Variants in ST8SIA2 observed in about 807,000 individuals in gnomAD.
The protein encoded by ST8SIA2 is alpha-2,8-sialyltransferase 8B.
A neutral mutation model predicts 37.6 loss-of-function variants in ST8SIA2; 22 were observed. The ratio of observed to expected loss-of-function variants is 0.58; its 90% confidence interval spans 0.42 to 0.83. The LOEUF (loss-of-function observed/expected upper bound fraction) is 0.83. Ranked by LOEUF, ST8SIA2 falls within the 40% of genes least tolerant of loss-of-function variation. The pLI is 0.00. For synonymous variants in ST8SIA2, 205 were observed against 201.2 expected, an observed-to-expected ratio of 1.02 and a Z score of -0.16; for missense variants, 382 against 484.7, an observed-to-expected ratio of 0.79 and a Z score of 1.99.
At chr15:92,423,195 A>G (rs2049649575) in intron 1 of ST8SIA2, among the ~76,000 whole-genome samples, 1 of 152,240 alleles carries the variant, frequency 6.6e-6, no homozygotes, top group Non-Finnish European at 1.5e-5. Flanking sequence ...TAGATGATGC[A>G]AAAGTTCTGG....
At chr15:92,431,349 T>C (rs1025782998) in intron 2 of ST8SIA2, among the ~76,000 whole-genome samples, 2 of 152,202 alleles carry the variant, frequency 1.3e-5, no homozygotes, top group Non-Finnish European at 2.9e-5. Context: ...CTTAGGCAAG[T>C]GATTTTACCC....
At chr15:92,396,299 A>T (rs1019619788) in intron 1 of ST8SIA2, among the ~76,000 whole-genome samples, 6 of 152,000 alleles carry the variant, frequency 3.9e-5, no homozygotes, top group African/African-American at 1.5e-4. Flanking sequence ...TGGGATGGGC[A>T]CTCTTGCCCC....
chr15:92,468,232 T>G lies in ST8SIA2; in HGVS notation c.*3847T>G, dbSNP rs2050006939. On this transcript the variant is annotated 3_prime_UTR_variant, in exon 6 of 6. Coordinates refer to ENST00000268164, the MANE Select transcript of ST8SIA2 (RefSeq NM_006011.4). ...TCCTCTCCCGTTGCACACAAACCTT[T>G]AAAAGTTCCCCGGCCCGTGAACAAA... The G allele has an allele frequency of 6.6e-6, 1 of 152,638 alleles. No individual in the cohort carries two copies. Among genetic ancestry groups the G allele is most frequent in the Admixed American group, 6.5e-5 (1 of 15,278 alleles). The allele number at this position is 152,638 out of a possible 1,614,324, so 9.5% of individuals were successfully genotyped here.
chr15:92,459,586 G>C (rs1176606906), intron 5 of ST8SIA2, among the ~76,000 whole-genome samples: 1 of 152,154 alleles, frequency 6.6e-6, no homozygotes, highest in African/African-American at 2.4e-5. Flanking sequence ...ACCCAGTAAG[G>C]CCTCACATGG....
In ST8SIA2 at chr15:92,464,127, C is replaced by CAA; in HGVS notation, c.873_874dup (p.Arg292LysfsTer8). 1 of 1,079,350 alleles carries CAA rather than the reference C, an allele frequency of 9.3e-7. No homozygotes were observed. Among genetic ancestry groups the CAA allele is most frequent in the African/African-American group, 1.8e-5 (1 of 56,548 alleles). 66.9% of individuals were successfully genotyped at this position (1,079,350 alleles called of 1,614,324 possible). On this transcript the variant is annotated frameshift_variant, in exon 6 of 6. Transcript: ENST00000268164. LOFTEE classifies it high-confidence loss of function. ...ACTGGCTGACCAACAAAGTCCACAT[C>CAA]AAAAGACCCACCACCGGCCTCTTGA...
chr15:92,427,844 C>T (rs948281922), intron 1 of ST8SIA2, among the ~76,000 whole-genome samples: 3 of 152,150 alleles, frequency 2.0e-5, no homozygotes, highest in Admixed American at 1.3e-4. Context: ...ATTACCTGGG[C>T]GTAATGGCAG....
At chr15:92,397,708 G>T (rs927793061) in intron 1 of ST8SIA2, among the ~76,000 whole-genome samples, 1 of 152,192 alleles carries the variant, frequency 6.6e-6, no homozygotes, top group Non-Finnish European at 1.5e-5. Flanking sequence ...GGATTGTGAG[G>T]CGTAGCTGTC....
chr15:92,439,109 G>A (rs867341403), intron 4 of ST8SIA2, among the ~76,000 whole-genome samples: 10 of 152,162 alleles, frequency 6.6e-5, no homozygotes, highest in East Asian at 5.8e-4. Context: ...ATTATCTGGC[G>A]CTTTATAGAA....
chr15:92,442,401 G>A (rs565225379), intron 4 of ST8SIA2, among the ~76,000 whole-genome samples: 1 of 152,186 alleles, frequency 6.6e-6, no homozygotes, highest in African/African-American at 2.4e-5. Context: ...CAACATTGCA[G>A]TTGGGAGTAT....
chr15:92,424,573 G>A, intron 1 of ST8SIA2, among the ~76,000 whole-genome samples: 1 of 151,554 alleles, frequency 6.6e-6, no homozygotes, highest in East Asian at 1.9e-4. Context: ...CATTCTACTA[G>A]GAGAGAATAT....
At chr15:92,439,694 T>C (rs1487340698) in intron 4 of ST8SIA2, among the ~76,000 whole-genome samples, 1 of 152,198 alleles carries the variant, frequency 6.6e-6, no homozygotes, top group Non-Finnish European at 1.5e-5. Context: ...AGCCAGAGTT[T>C]TGTCATCCTC....
intron 4 of ST8SIA2, among the ~76,000 whole-genome samples, chr15:92,439,354 C>G (rs1040661017): frequency 3.9e-5 from 6 of 152,210 alleles, no homozygotes; most frequent in African/African-American, 1.2e-4. Context: ...CTCTCATTTT[C>G]CAGTTGCCTG....
intron 1 of ST8SIA2, among the ~76,000 whole-genome samples, chr15:92,410,944 C>T (rs1258807335): frequency 1.3e-5 from 2 of 152,178 alleles, no homozygotes; most frequent in African/African-American, 4.8e-5. Flanking sequence ...GAAAGTTTCC[C>T]ATGTGCAAGG....
rs746047003 is a variant in ST8SIA2, at chr15:92,438,313, C to A, written c.291-40C>A. On this transcript the variant is annotated intron_variant, in intron 3 of 5. Transcript: ENST00000268164. ...AGCTGGGCTGGCAAAGGGCAGCTGGCACCCTGGAGAATTTCCTCACGCATG... is the reference window on the plus strand; with the variant it reads ...AGCTGGGCTGGCAAAGGGCAGCTGGAACCCTGGAGAATTTCCTCACGCATG... 4.3e-6 allele frequency: 7 copies of A among 1,614,046 alleles called. No individual in the cohort carries two copies. The East Asian group carries it at 1.6e-4, about 36-fold the overall frequency.
At chr15:92,396,699 G>C (rs2049434641) in intron 1 of ST8SIA2, among the ~76,000 whole-genome samples, 1 of 152,006 alleles carries the variant, frequency 6.6e-6, no homozygotes, top group Non-Finnish European at 1.5e-5. Flanking sequence ...TCACCATGTT[G>C]GCCAGGCTGG....
At position 92,441,320 on chromosome 15, in the gene ST8SIA2, T is replaced by A. The variant is rs2049800103; in HGVS notation, c.548+2710T>A. 2.0e-5 allele frequency among the ~76,000 whole-genome samples: 3 copies of A among 152,150 alleles called. No homozygotes were observed. In the South Asian group the frequency reaches 6.2e-4, roughly 32 times the overall value. On this transcript the variant is annotated intron_variant, in intron 4 of 5. Transcript: ENST00000268164. ...GCGGCATTGGAGTGTGGCTTGCCTT[T>A]GACCAGTAAAAGTGGTGAGGAGGAG... is the stretch of plus-strand genomic sequence containing the variant.
intron 4 of ST8SIA2, among the ~76,000 whole-genome samples, chr15:92,439,081 T>G (rs974758186): frequency 2.0e-5 from 3 of 152,190 alleles, no homozygotes; most frequent in African/African-American, 4.8e-5. Context: ...TCATATCACC[T>G]GCAAAGCCAA....
intron 1 of ST8SIA2, among the ~76,000 whole-genome samples, chr15:92,425,495 T>A (rs2049668988): frequency 7.9e-5 from 12 of 152,256 alleles, no homozygotes; most frequent in Admixed American, 7.8e-4. Flanking sequence ...CAGGCTTCTA[T>A]TCTGTTTTAC....
intron 1 of ST8SIA2, among the ~76,000 whole-genome samples, chr15:92,428,171 T>C (rs1421282023): frequency 6.6e-6 from 1 of 152,188 alleles, no homozygotes; most frequent in East Asian, 1.9e-4. Flanking sequence ...ACATGAAACC[T>C]GATTTCACAG....
Sources: allele counts gnomAD v4.1 joint callset (sites outside exome capture counted in the v4.1 genomes callset), GRCh38; gene constraint gnomAD v4.1.1; transcripts MANE v1.5; gene names NCBI Gene and HGNC (gene_info 2026-07-23, HGNC 2026-07-21).